Variants in PPFIA1 observed in about 807,000 individuals in gnomAD.
PPFIA1 encodes liprin-alpha-1.
PPFIA1 carries 25 observed loss-of-function variants against 149.9 expected under a neutral mutation model. The ratio of observed to expected loss-of-function variants is 0.17; its 90% CI spans 0.12 to 0.23. PPFIA1 has a LOEUF of 0.23. Among genes scored for constraint, PPFIA1 ranks in the 10% least tolerant of loss-of-function variants. The pLI, the probability that PPFIA1 is intolerant of heterozygous loss-of-function variation, is 1.00. For synonymous variants in PPFIA1, 549 were observed against 552.8 expected (o/e 0.99, Z 0.10); for missense variants, 1,362 against 1,506.5 (o/e 0.90, Z 1.59).
intron 15 of PPFIA1, among the ~76,000 whole-genome samples, chr11:70,344,947 G>A (rs1338007174): frequency 4.6e-5 from 7 of 152,188 alleles, no homozygotes; most frequent in African/African-American, 1.4e-4. Flanking sequence ...AATCTGGCAA[G>A]GCTGGAGCCA....
At chr11:70,375,993 T>G (rs1409187124) in intron 24 of PPFIA1, among the ~76,000 whole-genome samples, 2 of 151,938 alleles carry the variant, frequency 1.3e-5, no homozygotes, top group African/African-American at 4.8e-5. Flanking sequence ...GGAGTTGTTT[T>G]TTTGTTTGTT....
At chr11:70,314,296 G>A (rs1267204275) in intron 2 of PPFIA1, among the ~76,000 whole-genome samples, 1 of 152,156 alleles carries the variant, frequency 6.6e-6, no homozygotes, top group East Asian at 1.9e-4. Flanking sequence ...AGCAGCAGGC[G>A]CTGGAGACAA....
In PPFIA1 at chr11:70,348,223, C is replaced by G; in HGVS notation, c.1966C>G (p.Arg656Gly). The G allele has an allele frequency of 4.3e-6, 7 of 1,614,166 alleles. No homozygotes were observed. The highest frequency in any genetic ancestry group is 5.9e-6 in the Non-Finnish European group (7 of 1,180,048). Residue 656 changes from arginine (R) to glycine (G), a missense_variant, in exon 16 of 28, where the codon CGG becomes GGG. By Grantham distance (125) the Arg-to-Gly change is moderately radical (BLOSUM62 -2). Transcript: ENST00000253925. ...GGAAGAAAAAGAAAATACAGAGCAGCGGGCAGAGGAGATTGAAAGTCGAGT... is the reference window on the plus strand; with the variant it reads ...GGAAGAAAAAGAAAATACAGAGCAGGGGGCAGAGGAGATTGAAAGTCGAGT... ...IQEEKENTEQ[R>G]AEEIESRVGS...
intron 2 of PPFIA1, among the ~76,000 whole-genome samples, chr11:70,310,727 T>G (rs1288411164): frequency 6.6e-6 from 1 of 152,134 alleles, no homozygotes; most frequent in Non-Finnish European, 1.5e-5. Flanking sequence ...TTCCTCTTTT[T>G]CTCTTCCAAA....
chr11:70,336,077 T>C (rs1244665903), intron 11 of PPFIA1, among the ~76,000 whole-genome samples: 3 of 152,202 alleles, frequency 2.0e-5, no homozygotes, highest in Non-Finnish European at 2.9e-5. Context: ...TGAGTCTGGC[T>C]ATGTTCCAAT....
rs755632385 is a variant in PPFIA1, at chr11:70,324,924, G to A, written c.444G>A (p.Ala148=). ...SLRMTVVKRQ[A]QSPAGVSSEV... is the part of the protein sequence containing the mutation. ...GGATGACCGTGGTGAAGAGACAAGCGCAGTCTCCAGCAGGCGTGTCCAGCG... is the reference window on the plus strand; with the variant it reads ...GGATGACCGTGGTGAAGAGACAAGCACAGTCTCCAGCAGGCGTGTCCAGCG... Residue 148 remains alanine (A), a synonymous_variant, in exon 4 of 28, where the codon GCG becomes GCA. Coordinates refer to ENST00000253925, the MANE Select transcript of PPFIA1 (RefSeq NM_003626.5). 10 of 1,613,796 alleles carry A rather than the reference G, an allele frequency of 6.2e-6. No individual in the cohort carries two copies. Among genetic ancestry groups the A allele is most frequent in the East Asian group, 4.5e-5 (2 of 44,880 alleles).
chr11:70,372,724 G>C lies in PPFIA1; in HGVS notation c.3139+150G>C, dbSNP rs2057325180. On this transcript the variant is annotated intron_variant, in intron 23 of 27. Transcript: ENST00000253925. ...CTAGTGTCATTGCAGAGGAGGGCTG[G>C]ATGAAGTTGAGTGCTTTTGAGATTC... 6.5e-6 allele frequency: 4 copies of C among 616,256 alleles called. No individual in the cohort carries two copies. In the South Asian group the frequency reaches 7.9e-5, roughly 12 times the overall value. 38.2% of individuals were successfully genotyped at this position (616,256 alleles called of 1,614,324 possible).
intron 15 of PPFIA1, among the ~76,000 whole-genome samples, chr11:70,345,752 A>G (rs1013487496): frequency 2.0e-5 from 3 of 152,180 alleles, no homozygotes; most frequent in Non-Finnish European, 4.4e-5. Flanking sequence ...CCTTGAGCCC[A>G]GGAGTTCGAG....
chr11:70,278,961 T>G lies in PPFIA1; in HGVS notation c.264+6525T>G, dbSNP rs562386940. 9 of 615,466 alleles carry G rather than the reference T, an allele frequency of 1.5e-5. No homozygotes were observed. In the East Asian group the frequency reaches 3.0e-4, roughly 21 times the overall value. The allele number at this position is 615,466 out of a possible 1,614,324, so 38.1% of individuals were successfully genotyped here. Reference sequence around the variant, plus strand: ...CTTCCCAATTAGAGATTTGTGGATGTGTGGAATGACACCTTTACCAGCAAT... The same window carrying G: ...CTTCCCAATTAGAGATTTGTGGATGGGTGGAATGACACCTTTACCAGCAAT... On this transcript the variant is annotated intron_variant, in intron 2 of 27. Transcript: ENST00000253925.
chr11:70,337,389 A>C lies in PPFIA1; in HGVS notation c.1453A>C (p.Ser485Arg), dbSNP rs748836936. ...GAACTCTCTTTTAAGAGAAGTTGAA[A>C]GTGCAAAAAAGCAGTTAGAAGAAAC... ...DKNSLLREVE[S>R]AKKQLEETQH... The change falls in exon 12 of 28, where the codon AGT becomes CGT. Residue 485 changes from serine (S) to arginine (R), a missense_variant. By Grantham distance (110) the Ser-to-Arg change is moderately radical. Coordinates refer to ENST00000253925, the MANE Select transcript of PPFIA1 (RefSeq NM_003626.5). 2 of 1,599,734 alleles carry C rather than the reference A, an allele frequency of 1.3e-6. No individual in the cohort carries two copies.
intron 2 of PPFIA1, among the ~76,000 whole-genome samples, chr11:70,291,811 C>T (rs1308336238): frequency 1.3e-5 from 2 of 151,238 alleles, no homozygotes; most frequent in Non-Finnish European, 2.9e-5. Context: ...GCTGGAACCA[C>T]AGGCATGTGT....
At chr11:70,307,980 A>G (rs991441549) in intron 2 of PPFIA1, among the ~76,000 whole-genome samples, 9 of 152,182 alleles carry the variant, frequency 5.9e-5, no homozygotes, top group Admixed American at 2.6e-4. Context: ...TGCTGCTACC[A>G]CTGTTTTTAA....
At chr11:70,299,736 C>G (rs1179665137) in intron 2 of PPFIA1, among the ~76,000 whole-genome samples, 1 of 152,154 alleles carries the variant, frequency 6.6e-6, no homozygotes. Flanking sequence ...TGCTGCCACT[C>G]AGAGGCTCTG....
chr11:70,351,351 G>A (rs935840290), intron 16 of PPFIA1, among the ~76,000 whole-genome samples: 3 of 152,116 alleles, frequency 2.0e-5, no homozygotes, highest in Non-Finnish European at 2.9e-5. Flanking sequence ...ATGTAGATGC[G>A]GGGGGACCCA....
At chr11:70,370,743 T>C (rs1591374175) in intron 21 of PPFIA1, among the ~76,000 whole-genome samples, 1 of 152,288 alleles carries the variant, frequency 6.6e-6, no homozygotes, top group East Asian at 1.9e-4. Context: ...GTCTTTCTCA[T>C]TGATAATCCT....
chr11:70,325,775 A>G (rs914719836), intron 5 of PPFIA1, among the ~76,000 whole-genome samples: 3 of 152,076 alleles, frequency 2.0e-5, no homozygotes, highest in Admixed American at 1.3e-4. Flanking sequence ...TCTACTAAAA[A>G]TACAAAAATT....
rs923031921 is a variant in PPFIA1, at chr11:70,383,080, C to T, written c.*90C>T. Reference sequence around the variant, plus strand: ...ACTACATTTTGGAATCCAGTGGAATCTTTAATCTTGTTAATACTTGTTATA... The same window carrying T: ...ACTACATTTTGGAATCCAGTGGAATTTTTAATCTTGTTAATACTTGTTATA... On this transcript the variant is annotated 3_prime_UTR_variant, in exon 28 of 28. Coordinates refer to ENST00000253925, the MANE Select transcript of PPFIA1 (RefSeq NM_003626.5). 5 of 414,082 alleles carry T rather than the reference C, an allele frequency of 1.2e-5. No homozygotes were observed. Among genetic ancestry groups the T allele is most frequent in the Non-Finnish European group, 2.3e-5 (5 of 214,354 alleles). The allele number at this position is 414,082 out of a possible 1,614,324, so 25.7% of individuals were successfully genotyped here.
At chr11:70,340,050 C>T (rs1265584602) in intron 14 of PPFIA1, among the ~76,000 whole-genome samples, 2 of 151,794 alleles carry the variant, frequency 1.3e-5, no homozygotes, top group Admixed American at 6.6e-5. Context: ...GTGCCTCACA[C>T]CTGTAATCCC....
intron 23 of PPFIA1, 177 bp from the exon 24 acceptor site, chr11:70,374,741 G>A (rs2057412547): frequency 3.5e-6 from 2 of 570,160 alleles, no homozygotes; most frequent in Non-Finnish European, 6.1e-6. Context: ...AGCAGGGCCA[G>A]GACACCATTG....
Sources: allele counts gnomAD v4.1 joint callset (sites outside exome capture counted in the v4.1 genomes callset), GRCh38; gene constraint gnomAD v4.1.1; transcripts MANE v1.5; gene names NCBI Gene and HGNC (gene_info 2026-07-23, HGNC 2026-07-21).